Variants in PLXNA4 observed in about 807,000 individuals in gnomAD.
PLXNA4 encodes plexin A4.
A neutral mutation model predicts 191.8 loss-of-function variants in PLXNA4; 44 were observed. The ratio of observed to expected loss-of-function variants is 0.23; its 90% CI spans 0.18 to 0.29. The LOEUF (loss-of-function observed/expected upper bound fraction) is 0.29. PLXNA4 is among the 10% of genes least tolerant of loss of function. The pLI is 1.00. For missense variants in PLXNA4, 1,800 were observed against 2,488.8 expected, an observed-to-expected ratio of 0.72 and a Z score of 5.89; for synonymous variants, 1,082 against 1,009.5, an observed-to-expected ratio of 1.07 and a Z score of -1.36.
chr7:132,292,959 T>C (rs947245812), intron 4 of PLXNA4, among the ~76,000 whole-genome samples: 4 of 152,088 alleles, frequency 2.6e-5, no homozygotes, highest in Non-Finnish European at 5.9e-5. Context: ...ACAGTAAGCG[T>C]GCAAGTTCTG....
At chr7:132,241,013 G>A (rs1798858486) in intron 5 of PLXNA4, 53 bp downstream of exon 5, 2 of 1,316,186 alleles carry the variant, frequency 1.5e-6, no homozygotes, top group Admixed American at 1.8e-5. Flanking sequence ...GCAGAGGAAG[G>A]GAATTACCAG....
intron 27 of PLXNA4, among the ~76,000 whole-genome samples, chr7:132,147,276 C>G (rs1457147045): frequency 6.6e-6 from 1 of 152,230 alleles, no homozygotes; most frequent in African/African-American, 2.4e-5. Context: ...TGTGCAGGCA[C>G]TATTCTCTGT....
intron 3 of PLXNA4, among the ~76,000 whole-genome samples, chr7:132,441,542 T>C (rs74648575): frequency 0.025 from 3,820 of 152,322 alleles, 171 homozygotes; most frequent in African/African-American, 0.087. Context: ...GCACAGGACA[T>C]TGCCCACAGA....
chr7:132,163,255 C>T (rs368367561), intron 24 of PLXNA4, among the ~76,000 whole-genome samples: 13 of 152,290 alleles, frequency 8.5e-5, no homozygotes, highest in Middle Eastern at 3.4e-3. Context: ...AGCGAGTGGA[C>T]GCACGGTGAC....
intron 30 of PLXNA4, among the ~76,000 whole-genome samples, chr7:132,136,440 T>C (rs1270508679): frequency 1.3e-5 from 2 of 152,236 alleles, no homozygotes; most frequent in African/African-American, 4.8e-5. Flanking sequence ...GCCCCAGGCC[T>C]GACCTGCTAA....
chr7:132,529,595 C>T (rs530030058), intron 1 of PLXNA4, among the ~76,000 whole-genome samples: 7 of 148,898 alleles, frequency 4.7e-5, no homozygotes, highest in Non-Finnish European at 5.9e-5. Flanking sequence ...AAAAGCTTCC[C>T]AAATAGGTAT....
intron 30 of PLXNA4, among the ~76,000 whole-genome samples, chr7:132,136,500 G>T (rs1360335436): frequency 6.6e-6 from 1 of 152,138 alleles, no homozygotes; most frequent in East Asian, 1.9e-4. Flanking sequence ...TTGCTGAGTT[G>T]CTCACAGCAG....
Position 132,370,630 on chromosome 7 carries a change from A to ATG in PLXNA4, c.1372-72410_1372-72409dup, listed in dbSNP as rs573224927. ...CTGGACTCTGTTTGTGTGCCTGTGT[A>ATG]TGTGTGTGTGTGTTTCATTGTTTCT... is the stretch of plus-strand genomic sequence containing the variant. On this transcript the variant is annotated intron_variant, in intron 3 of 31. Coordinates refer to ENST00000321063, the MANE Select transcript of PLXNA4 (RefSeq NM_020911.2). 7.7e-4 allele frequency among the ~76,000 whole-genome samples: 117 copies of ATG among 152,084 alleles called. 1 individual carries two copies. In the South Asian group the frequency reaches 0.012, roughly 16 times the overall value.
At chr7:132,611,348 G>T (rs1406675435) in intron 2 of PLXNA4, among the ~76,000 whole-genome samples, 1 of 152,140 alleles carries the variant, frequency 6.6e-6, no homozygotes, top group Non-Finnish European at 1.5e-5. Flanking sequence ...CAAAGTAACA[G>T]CTCTTTCTCC....
At chr7:132,229,814 G>A (rs1300479393) in intron 5 of PLXNA4, among the ~76,000 whole-genome samples, 1 of 152,090 alleles carries the variant, frequency 6.6e-6, no homozygotes, top group Admixed American at 6.5e-5. Flanking sequence ...GGGGCAAGGA[G>A]ATGAGGGAAG....
chr7:132,347,495 A>G (rs1803292211), intron 3 of PLXNA4, among the ~76,000 whole-genome samples: 2 of 152,242 alleles, frequency 1.3e-5, no homozygotes, highest in South Asian at 4.1e-4. Context: ...TCGGGAACCA[A>G]CCAAGAAACT....
chr7:132,612,617 T>C (rs1468515497), intron 2 of PLXNA4, among the ~76,000 whole-genome samples: 2 of 146,860 alleles, frequency 1.4e-5, no homozygotes, highest in East Asian at 2.0e-4. Context: ...TGAGAGGAGA[T>C]TGCACCACTG....
At chr7:132,410,084 A>AT (rs1298575892) in intron 3 of PLXNA4, among the ~76,000 whole-genome samples, 2 of 152,202 alleles carry the variant, frequency 1.3e-5, no homozygotes, top group African/African-American at 2.4e-5. Flanking sequence ...ATAAGGAGGA[A>AT]TTTAGGCTTG....
At chr7:132,539,230 C>T (rs1260639020) in intron 1 of PLXNA4, among the ~76,000 whole-genome samples, 1 of 152,202 alleles carries the variant, frequency 6.6e-6, no homozygotes, top group East Asian at 1.9e-4. Flanking sequence ...AAAGACCGTG[C>T]CCTGTCCAAG....
rs1262564602 is a variant in PLXNA4 at position 132,203,230 on chromosome 7, C to T, written c.2395+93G>A. On this transcript the variant is annotated intron_variant, in intron 11 of 31. Coordinates refer to ENST00000321063, the MANE Select transcript of PLXNA4 (RefSeq NM_020911.2). ...AGGGACAGCCACTAGGAGGCGGGGGCAGAATGACTCCCGCGAGAATGCAGG... is the reference window on the plus strand; with the variant it reads ...AGGGACAGCCACTAGGAGGCGGGGGTAGAATGACTCCCGCGAGAATGCAGG... 4.8e-5 allele frequency: 56 copies of T among 1,159,632 alleles called. No homozygotes were observed. In the Admixed American group the frequency reaches 1.0e-3, roughly 21 times the overall value. The allele number at this position is 1,159,632 out of a possible 1,614,324, so 71.8% of individuals were successfully genotyped here.
At chr7:132,251,756 A>T (rs1170142589) in intron 4 of PLXNA4, among the ~76,000 whole-genome samples, 2 of 152,372 alleles carry the variant, frequency 1.3e-5, no homozygotes, top group East Asian at 3.9e-4. Context: ...GCATTTGCAC[A>T]CACCTATGGG....
rs1799556261 is a variant in PLXNA4 at position 132,259,481 on chromosome 7, G to GAAAAAA, written c.1504-18316_1504-18315insTTTTTT. On this transcript the variant is annotated intron_variant, in intron 4 of 31. Coordinates refer to ENST00000321063, the MANE Select transcript of PLXNA4 (RefSeq NM_020911.2). ...AAAAAAAAAAAAAAAAAAGAAAAAA[G>GAAAAAA]GAAAAAAGAAAAGCAAAAGAAAACC... 1.3e-4 allele frequency among the ~76,000 whole-genome samples: 8 copies of GAAAAAA among 61,380 alleles called. 2 individuals are homozygous for GAAAAAA. Among genetic ancestry groups the GAAAAAA allele is most frequent in the Admixed American group, 1.6e-4 (1 of 6,216 alleles). 40.3% of individuals were successfully genotyped at this position (61,380 alleles called of 152,430 possible).
intron 3 of PLXNA4, among the ~76,000 whole-genome samples, chr7:132,328,083 T>G (rs1460463659): frequency 2.0e-5 from 3 of 152,214 alleles, no homozygotes; most frequent in Non-Finnish European, 4.4e-5. Flanking sequence ...CGTTCCGCTC[T>G]GGCAGCCCAT....
At chr7:132,585,506 A>C (rs940124491) in intron 2 of PLXNA4, among the ~76,000 whole-genome samples, 1 of 151,624 alleles carries the variant, frequency 6.6e-6, no homozygotes, top group Admixed American at 6.5e-5. Flanking sequence ...TTGGATCACT[A>C]AAAGATAGAT....
Sources: allele counts gnomAD v4.1 joint callset (sites outside exome capture counted in the v4.1 genomes callset), GRCh38; gene constraint gnomAD v4.1.1; transcripts MANE v1.5; gene names NCBI Gene and HGNC (gene_info 2026-07-23, HGNC 2026-07-21).